PTPN13: variants seen among roughly 807,000 people sequenced by gnomAD.
PTPN13 encodes the protein protein tyrosine phosphatase non-receptor type 13.
Under a neutral mutation model 284.0 loss-of-function variants are expected in PTPN13, and 191 were observed. That is an observed-to-expected ratio of 0.67 (90% CI 0.60 to 0.76). The LOEUF is 0.76. PTPN13 is among the 30% of genes least tolerant of loss of function. The pLI is 0.00. For synonymous variants in PTPN13, 986 were observed against 1,022.3 expected (o/e 0.96, Z 0.68); for missense variants, 2,797 against 2,939.9 (o/e 0.95, Z 1.12).
chr4:86,612,303 C>T (rs977431457), intron 1 of PTPN13, among the ~76,000 whole-genome samples: 1 of 152,084 alleles, frequency 6.6e-6, no homozygotes, highest in African/African-American at 2.4e-5. Flanking sequence ...TGTCTCAAAA[C>T]TGACACAGAG....
chr4:86,652,820 A>C (rs1725251556), intron 2 of PTPN13, among the ~76,000 whole-genome samples: 1 of 152,000 alleles, frequency 6.6e-6, no homozygotes. Flanking sequence ...AGTTCTCTGT[A>C]ACTAAACTTT....
chr4:86,676,832 TAGAA>T (rs1728325876), intron 3 of PTPN13, among the ~76,000 whole-genome samples: 1 of 151,924 alleles, frequency 6.6e-6, no homozygotes, highest in Non-Finnish European at 1.5e-5. Flanking sequence ...AAACAAAAAG[TAGAA>T]AGGTGATTGC....
At chr4:86,623,496 C>G (rs981927949) in intron 1 of PTPN13, among the ~76,000 whole-genome samples, 3 of 152,188 alleles carry the variant, frequency 2.0e-5, no homozygotes, top group African/African-American at 2.4e-5. Flanking sequence ...TCCTTGTCAA[C>G]TTGGCATTCA....
chr4:86,718,252 A>T (rs902536750), intron 9 of PTPN13, among the ~76,000 whole-genome samples: 2 of 152,190 alleles, frequency 1.3e-5, no homozygotes, highest in Non-Finnish European at 2.9e-5. Context: ...TTTAATTCAG[A>T]TGCTACCAAA....
chr4:86,756,706 C>T (rs570793291), intron 20 of PTPN13, among the ~76,000 whole-genome samples: 11 of 152,224 alleles, frequency 7.2e-5, no homozygotes, highest in African/African-American at 2.6e-4. Flanking sequence ...TGAAGTATCA[C>T]ATTTACATCA....
At chr4:86,610,107 G>A (rs1765134678) in intron 1 of PTPN13, among the ~76,000 whole-genome samples, 1 of 152,030 alleles carries the variant, frequency 6.6e-6, no homozygotes, top group Non-Finnish European at 1.5e-5. Flanking sequence ...CCAGCTACTT[G>A]GGAGGCTGAG....
chr4:86,757,417 A>G (rs1253204368), intron 20 of PTPN13, among the ~76,000 whole-genome samples: 2 of 152,190 alleles, frequency 1.3e-5, no homozygotes, highest in African/African-American at 2.4e-5. Context: ...TTTGAAATGA[A>G]TGAAGATCCT....
intron 2 of PTPN13, among the ~76,000 whole-genome samples, chr4:86,641,886 A>C (rs1433328881): frequency 1.3e-5 from 2 of 152,188 alleles, no homozygotes; most frequent in Non-Finnish European, 2.9e-5. Context: ...GCTATAGCTT[A>C]AGCTCGTGAA....
At chr4:86,677,988 C>A (rs914229070) in intron 3 of PTPN13, among the ~76,000 whole-genome samples, 4 of 152,144 alleles carry the variant, frequency 2.6e-5, no homozygotes, top group African/African-American at 9.7e-5. Context: ...TGGTGGGTCT[C>A]CCCTAGAGCA....
intron 1 of PTPN13, among the ~76,000 whole-genome samples, chr4:86,628,079 G>A (rs920368272): frequency 6.6e-6 from 1 of 152,088 alleles, no homozygotes; most frequent in Non-Finnish European, 1.5e-5. Flanking sequence ...AAGCAGCTTG[G>A]CATGGAATGG....
chr4:86,772,836 G>T lies in PTPN13; in HGVS notation c.5227G>T (p.Glu1743Ter), dbSNP rs1479499251. The change falls in exon 32 of 48, where the codon GAA becomes TAA. Residue 1743 changes from glutamate (E) to a stop codon, truncating the protein, a stop_gained. Transcript: ENST00000411767. LOFTEE classifies it high-confidence loss of function. ...APGQSYQPQS[E>*]SASSSSMDKY... ...TGGGCAGAGTTATCAACCCCAATCAGAATCTGCTTCCTCTAGTTCGATGGA... is the reference window on the plus strand; with the variant it reads ...TGGGCAGAGTTATCAACCCCAATCATAATCTGCTTCCTCTAGTTCGATGGA... 6.2e-7 allele frequency: 1 copy of T among 1,613,428 alleles called. No individual in the cohort carries two copies. Among genetic ancestry groups the T allele is most frequent in the South Asian group, 1.1e-5 (1 of 91,002 alleles).
intron 2 of PTPN13, among the ~76,000 whole-genome samples, chr4:86,653,636 C>A (rs1725366182): frequency 6.6e-6 from 1 of 151,930 alleles, no homozygotes; most frequent in Non-Finnish European, 1.5e-5. Context: ...TTTCAGAAGT[C>A]CATAATATAA....
intron 2 of PTPN13, among the ~76,000 whole-genome samples, chr4:86,656,858 T>G (rs1725881582): frequency 1.3e-5 from 2 of 152,196 alleles, no homozygotes; most frequent in Non-Finnish European, 2.9e-5. Context: ...CTCCTTGAGC[T>G]GGGGTGGGCT....
chr4:86,710,503 T>G (rs934838366), intron 7 of PTPN13, among the ~76,000 whole-genome samples: 1 of 152,232 alleles, frequency 6.6e-6, no homozygotes, highest in Non-Finnish European at 1.5e-5. Context: ...TAGCTTTATA[T>G]AAGGCCAGAA....
intron 9 of PTPN13, among the ~76,000 whole-genome samples, chr4:86,720,562 C>CT (rs1201198763): frequency 1.3e-5 from 2 of 152,108 alleles, no homozygotes; most frequent in East Asian, 3.8e-4. Context: ...CTAGTTCCAT[C>CT]TTTTTTCTGC....
At chr4:86,682,860 A>C (rs1729048854) in intron 3 of PTPN13, among the ~76,000 whole-genome samples, 2 of 152,204 alleles carry the variant, frequency 1.3e-5, no homozygotes, top group African/African-American at 2.4e-5. Context: ...AATAAATGTA[A>C]AAGCATTTTT....
intron 2 of PTPN13, chr4:86,661,161 C>T (rs749820514): frequency 1.4e-5 from 6 of 441,340 alleles, no homozygotes; most frequent in South Asian, 8.1e-5. Context: ...TCTTGTTTAC[C>T]AAGGGTAATC....
chr4:86,651,706 T>C (rs978304891), intron 2 of PTPN13, among the ~76,000 whole-genome samples: 1 of 152,170 alleles, frequency 6.6e-6, no homozygotes, highest in Non-Finnish European at 1.5e-5. Context: ...GCTTCACTCT[T>C]GGTTGGGTGT....
chr4:86,762,970 C>T lies in PTPN13; in HGVS notation c.3797C>T (p.Ala1266Val). The change falls in exon 24 of 48, where the codon GCC (alanine) becomes GTC (valine). Residue 1266 changes from alanine (A) to valine (V), a missense_variant. Coordinates refer to ENST00000411767, the MANE Select transcript of PTPN13 (RefSeq NM_080683.3). ...LSQSQVNGFFASHLGDQTWQE... is the reference protein window; with the variant it reads ...LSQSQVNGFFVSHLGDQTWQE... The stretch of plus-strand genomic sequence containing the variant: ...CAAAGCCAGGTCAATGGTTTCTTTG[C>T]CAGCCATTTAGGTGACCAAACCTGG... The T allele has an allele frequency of 1.2e-6, 2 of 1,613,746 alleles. No individual in the cohort carries two copies. The highest frequency in any genetic ancestry group is 1.7e-6 in the Non-Finnish European group (2 of 1,179,802).
Sources: gnomAD v4.1 joint callset for allele counts (sites outside exome capture counted in the v4.1 genomes callset) on GRCh38, gnomAD v4.1.1 for gene constraint, MANE v1.5 for transcripts, NCBI Gene and HGNC (gene_info 2026-07-23, HGNC 2026-07-21) for gene names.